Variants in PRR35 observed in about 807,000 individuals in gnomAD.
PRR35 encodes proline-rich protein 35.
Under a neutral mutation model 18.6 loss-of-function variants are expected in PRR35, and 14 were observed. That is an observed-to-expected ratio of 0.75 (90% CI 0.50 to 1.18). PRR35 has a LOEUF of 1.18. Ranked by LOEUF, PRR35 falls within the 50% of genes most tolerant of loss-of-function variation. The pLI is 0.00. For synonymous variants in PRR35, 425 were observed against 378.2 expected, an observed-to-expected ratio of 1.12 and a Z score of -1.43; for missense variants, 832 against 792.2, an observed-to-expected ratio of 1.05 and a Z score of -0.60.
Position 565,317 on chromosome 16 carries a change from C to T in PRR35, c.*10C>T. 2.7e-6 allele frequency: 4 copies of T among 1,474,758 alleles called. No individual in the cohort carries two copies. The highest frequency in any genetic ancestry group is 3.6e-6 in the Non-Finnish European group (4 of 1,111,918). The allele number at this position is 1,474,758 out of a possible 1,614,324, so 91.4% of individuals were successfully genotyped here. A position where few individuals can be genotyped will look rare whatever the true frequency, so the allele number is the denominator to read the frequency against. On this transcript the variant is annotated 3_prime_UTR_variant, in exon 3 of 3. Transcript: ENST00000409413. Reference sequence around the variant, plus strand: ...GGGCGCCGAGGTCTGACCTGCAGCGCCTGAGGTCTGACTGTCTCTGCCTGC... The same window carrying T: ...GGGCGCCGAGGTCTGACCTGCAGCGTCTGAGGTCTGACTGTCTCTGCCTGC...
At position 564,081 on chromosome 16, in the gene PRR35, C is replaced by A; in HGVS notation, c.787C>A (p.Arg263Ser). The stretch of plus-strand genomic sequence containing the variant: ...CCCTCAGCGCCCCACCCCGGCCCCC[C>A]GCCTGTACTACCCGCTGCTTCTGGA... The part of the protein sequence containing the change: ...QPPQRPTPAP[R>S]LYYPLLLEHT... The change falls in exon 2 of 3, where the codon CGC becomes AGC. Residue 263 changes from arginine (R) to serine (S), a missense_variant. Physicochemically the swap from Arg to Ser is moderately radical, Grantham distance 110. Transcript: ENST00000409413. 1 of 1,559,518 alleles carries A rather than the reference C, an allele frequency of 6.4e-7. No homozygotes were observed. The highest frequency in any genetic ancestry group is 2.4e-5 in the East Asian group (1 of 42,160).
rs749126342 is a variant in PRR35, at chr16:564,245, C to T, written c.951C>T (p.Pro317=). The T allele has an allele frequency of 2.8e-5, 44 of 1,575,146 alleles. No individual in the cohort carries two copies. In the Admixed American group the frequency reaches 5.6e-4, roughly 20 times the overall value. Residue 317 remains proline (P), a synonymous_variant, in exon 2 of 3, where the codon CCC becomes CCT. Transcript: ENST00000409413. ...TGGGGCCCTGGCCCCGAGTCACCCCCAGGGACCCAGGGCAGGAGGGGGAGC... is the reference window on the plus strand; with the variant it reads ...TGGGGCCCTGGCCCCGAGTCACCCCTAGGGACCCAGGGCAGGAGGGGGAGC... ...PGLGPWPRVT[P]RDPGQEGELE...
Position 565,526 on chromosome 16 carries a change from C to G in PRR35, c.*219C>G. 1 of 470,096 alleles carries G rather than the reference C, an allele frequency of 2.1e-6. No homozygotes were observed. Among genetic ancestry groups the G allele is most frequent in the Non-Finnish European group, 3.6e-6 (1 of 280,922 alleles). The allele number at this position is 470,096 out of a possible 1,614,324, so 29.1% of individuals were successfully genotyped here. On this transcript the variant is annotated 3_prime_UTR_variant, in exon 3 of 3. Coordinates refer to ENST00000409413, the MANE Select transcript of PRR35 (RefSeq NM_145270.3). ...TGTGGACATTAAAACAGAAACTGTT[C>G]ACACACGCCGTCTGTGCCTCCTTCC...
upstream of PRR35, chr16:560,344 C>A (rs890570902): frequency 4.1e-6 from 4 of 981,826 alleles, no homozygotes; most frequent in African/African-American, 1.8e-5. Context: ...GAGGTCGCAG[C>A]GCCCCCCGGA....
intron 1 of PRR35, 116 bp downstream of exon 1, chr16:560,777 C>G (rs1166341730): frequency 2.4e-6 from 2 of 836,328 alleles, no homozygotes; most frequent in South Asian, 1.1e-4. Flanking sequence ...GCGGCCGGGT[C>G]CCCCCCACCC....
rs1346860997 is a variant in PRR35, at chr16:563,813, G to A, written c.519G>A (p.Val173=). 1 of 1,499,718 alleles carries A rather than the reference G, an allele frequency of 6.7e-7. No homozygotes were observed. Among genetic ancestry groups the A allele is most frequent in the Non-Finnish European group, 8.9e-7 (1 of 1,122,514 alleles). 92.9% of individuals were successfully genotyped at this position (1,499,718 alleles called of 1,614,324 possible). ...KPGMGGDPRG[V]GAGDMASAGP... ...GGATGGGAGGGGACCCAAGGGGCGTGGGTGCGGGGGACATGGCCTCAGCAG... is the reference window on the plus strand; with the variant it reads ...GGATGGGAGGGGACCCAAGGGGCGTAGGTGCGGGGGACATGGCCTCAGCAG... The change falls in exon 2 of 3, where the codon GTG becomes GTA. Residue 173 remains valine, a synonymous_variant. Coordinates refer to ENST00000409413, the MANE Select transcript of PRR35 (RefSeq NM_145270.3).
rs759707962 is a variant in PRR35, at chr16:563,300, G to A, written c.6G>A (p.Ser2=). The change falls in exon 2 of 3, where the codon TCG becomes TCA. Residue 2 remains serine (S), a synonymous_variant. Coordinates refer to ENST00000409413, the MANE Select transcript of PRR35 (RefSeq NM_145270.3). ...CTGCCTCATAGCAGGCTGCCATGTC[G>A]CGGGAGGCGGGCTCATGCCGCGTGG... M[S]REAGSCRVGT... 24 of 1,604,790 alleles carry A rather than the reference G, an allele frequency of 1.5e-5. No individual in the cohort carries two copies. The highest frequency in any genetic ancestry group is 3.4e-5 in the Admixed American group (2 of 59,686).
rs761329711 is a variant in PRR35 at position 565,115 on chromosome 16, G to A, written c.1524G>A (p.Ala508=). The stretch of plus-strand genomic sequence containing the variant: ...CACCCGGCATGCTGGGCCCTGCAGC[G>A]CCCCAACCCTTCTCTGGCCACACCA... ...PEPPGMLGPA[A]PQPFSGHTTK... Residue 508 remains alanine (A), a synonymous_variant, in exon 3 of 3, where the codon GCG becomes GCA. Transcript: ENST00000409413. 5.6e-6 allele frequency: 9 copies of A among 1,601,718 alleles called. No individual in the cohort carries two copies. Among genetic ancestry groups the A allele is most frequent in the Admixed American group, 5.1e-5 (3 of 58,960 alleles).
Position 563,510 on chromosome 16 carries a change from A to G in PRR35, c.216A>G (p.Pro72=), listed in dbSNP as rs1453146131. 1 of 1,612,144 alleles carries G rather than the reference A, an allele frequency of 6.2e-7. No homozygotes were observed. The highest frequency in any genetic ancestry group is 8.5e-7 in the Non-Finnish European group (1 of 1,179,550). Residue 72 remains proline (P), a synonymous_variant, in exon 2 of 3, where the codon CCA becomes CCG. Coordinates refer to ENST00000409413, the MANE Select transcript of PRR35 (RefSeq NM_145270.3). ...KDSLSLLLDS[P]DWACRRGSTT... ...CCCTGTCCCTGCTGCTAGACTCCCC[A>G]GACTGGGCGTGCCGCCGTGGCTCCA...
chr16:560,137 C>T (rs1420541554), upstream of PRR35, among the ~76,000 whole-genome samples: 2 of 151,408 alleles, frequency 1.3e-5, no homozygotes, highest in African/African-American at 4.8e-5. Flanking sequence ...CTCGGCCGCA[C>T]ACCTGCGCCG....
In PRR35 at chr16:561,852, G is replaced by C. The variant is rs996718908; in HGVS notation, c.-40+1191G>C. ...GGGCCTGTGTGAGCATGTGAGTGCCGTGTTGGAGTGGTTTGGAAAGCCCCC... is the reference window on the plus strand; with the variant it reads ...GGGCCTGTGTGAGCATGTGAGTGCCCTGTTGGAGTGGTTTGGAAAGCCCCC... On this transcript the variant is annotated intron_variant, in intron 1 of 2. Coordinates refer to ENST00000409413, the MANE Select transcript of PRR35 (RefSeq NM_145270.3). The C allele has an allele frequency of 3.3e-6, 3 of 908,482 alleles. No homozygotes were observed. In the South Asian group the frequency reaches 1.5e-4, roughly 46 times the overall value. The allele number at this position is 908,482 out of a possible 1,614,324, so 56.3% of individuals were successfully genotyped here.
At chr16:560,350 C>T, upstream of PRR35, 1 of 982,282 alleles carries the variant, frequency 1.0e-6, no homozygotes, top group Non-Finnish European at 1.2e-6. Flanking sequence ...GCAGCGCCCC[C>T]CGGAGCCCGG....
At chr16:562,247 G>A (rs1002601919) in intron 1 of PRR35, among the ~76,000 whole-genome samples, 2 of 152,314 alleles carry the variant, frequency 1.3e-5, no homozygotes, top group African/African-American at 2.4e-5. Context: ...TGACCTGCCC[G>A]AAGCCACCCA....
rs1324351240 is a variant in PRR35 at position 564,152 on chromosome 16, C to G, written c.858C>G (p.Ala286=). The G allele has an allele frequency of 1.9e-6, 3 of 1,568,530 alleles. No individual in the cohort carries two copies. The African/African-American group carries it at 4.1e-5, about 21-fold the overall frequency. The change falls in exon 2 of 3, where the codon GCC becomes GCG. Residue 286 remains alanine, a synonymous_variant. Coordinates refer to ENST00000409413, the MANE Select transcript of PRR35 (RefSeq NM_145270.3). ...CAGGCAAAGCTGCCCTTGCCAAGGC[C>G]CCTGTCTCCCCCAGGAGCCCCTCTG... is the stretch of plus-strand genomic sequence containing the variant. The part of the protein sequence containing the change: ...LPAGKAALAK[A]PVSPRSPSGT...
chr16:561,657 G>A (rs996667935), intron 1 of PRR35: 5 of 879,404 alleles, frequency 5.7e-6, no homozygotes, highest in Admixed American at 6.2e-5. Context: ...GCCTTTGGAC[G>A]AGTGGACTTC....
rs780064573 is a variant in PRR35 at position 564,239 on chromosome 16, C to A, written c.945C>A (p.Val315=). Residue 315 remains valine, a synonymous_variant, in exon 2 of 3, where the codon GTC becomes GTA. Coordinates refer to ENST00000409413, the MANE Select transcript of PRR35 (RefSeq NM_145270.3). The part of the protein sequence containing the change: ...PVPGLGPWPR[V]TPRDPGQEGE... ...CAGGGCTGGGGCCCTGGCCCCGAGT[C>A]ACCCCCAGGGACCCAGGGCAGGAGG... 1.1e-4 allele frequency: 171 copies of A among 1,574,012 alleles called. No homozygotes were observed. The highest frequency in any genetic ancestry group is 1.3e-4 in the Non-Finnish European group (150 of 1,165,406).
rs374770793 is a variant in PRR35 at position 563,410 on chromosome 16, G to C, written c.116G>C (p.Cys39Ser). The C allele has an allele frequency of 6.2e-7, 1 of 1,612,514 alleles. No homozygotes were observed. Among genetic ancestry groups the C allele is most frequent in the Non-Finnish European group, 8.5e-7 (1 of 1,179,710 alleles). The change falls in exon 2 of 3, where the codon TGC becomes TCC. Residue 39 changes from cysteine to serine, a missense_variant. Around this residue, in one of 3 missense-constraint regions of PRR35, gnomAD observed 56 missense variants for 64.8 expected, o/e 0.86. Coordinates refer to ENST00000409413, the MANE Select transcript of PRR35 (RefSeq NM_145270.3). ...TGGGGCAAACCCTACAACTACAAAT[G>C]CTTCCAGTGCCCCTTCACCTGCCTG... is the stretch of plus-strand genomic sequence containing the variant. ...RPWGKPYNYKCFQCPFTCLEK... is the reference protein window; with the variant it reads ...RPWGKPYNYKSFQCPFTCLEK...
rs1259913600 is a variant in PRR35, at chr16:563,411, C to T, written c.117C>T (p.Cys39=). Residue 39 remains cysteine (C), a synonymous_variant, in exon 2 of 3, where the codon TGC becomes TGT. Coordinates refer to ENST00000409413, the MANE Select transcript of PRR35 (RefSeq NM_145270.3). ...GGGGCAAACCCTACAACTACAAATG[C>T]TTCCAGTGCCCCTTCACCTGCCTGG... ...RPWGKPYNYK[C]FQCPFTCLEK... 6.2e-7 allele frequency: 1 copy of T among 1,612,436 alleles called. No homozygotes were observed. The highest frequency in any genetic ancestry group is 1.7e-5 in the Admixed American group (1 of 59,990).
upstream of PRR35, chr16:560,354 A>G: frequency 1.0e-6 from 1 of 974,748 alleles, no homozygotes; most frequent in Non-Finnish European, 1.2e-6. Context: ...CGCCCCCCGG[A>G]GCCCGGAGCC....
Sources: allele counts gnomAD v4.1 joint callset (sites outside exome capture counted in the v4.1 genomes callset), GRCh38; gene constraint gnomAD v4.1.1; regional missense constraint gnomAD v4.1.1; transcripts MANE v1.5; gene names NCBI Gene and HGNC (gene_info 2026-07-23, HGNC 2026-07-21).